DNAJC1: variants seen among roughly 807,000 people sequenced by gnomAD.
The protein encoded by DNAJC1 is DnaJ heat shock protein family (Hsp40) member C1, also known as dnaJ homolog subfamily C member 1.
DNAJC1 carries 58 observed loss-of-function variants against 76.6 expected under a neutral mutation model. That is an observed-to-expected ratio of 0.76 (90% CI 0.61 to 0.94). The LOEUF (loss-of-function observed/expected upper bound fraction) is 0.94. DNAJC1 is among the 40% of genes least tolerant of loss of function. The pLI, the probability that DNAJC1 is intolerant of heterozygous loss-of-function variation, is 0.00. For missense variants in DNAJC1, 689 were observed against 677.3 expected (o/e 1.02, Z -0.19); for synonymous variants, 258 against 267.9 (o/e 0.96, Z 0.36).
chr10:21,891,501 G>GAAAAA (rs1435674322), intron 7 of DNAJC1, among the ~76,000 whole-genome samples: 1 of 118,486 alleles, frequency 8.4e-6, no homozygotes, highest in East Asian at 2.5e-4. Flanking sequence ...AAAAAGAAAA[G>GAAAAA]AAAAAAAAAA....
intron 8 of DNAJC1, among the ~76,000 whole-genome samples, chr10:21,875,940 A>C (rs2131714885): frequency 6.6e-6 from 1 of 152,182 alleles, no homozygotes; most frequent in Non-Finnish European, 1.5e-5. Context: ...AATAAATAAA[A>C]TTTAACAAGG....
chr10:21,992,274 G>A (rs1838337668), intron 1 of DNAJC1, among the ~76,000 whole-genome samples: 2 of 152,210 alleles, frequency 1.3e-5, no homozygotes, highest in Middle Eastern at 3.2e-3. Flanking sequence ...TCGTGCCATC[G>A]CACACCAGCC....
intron 10 of DNAJC1, among the ~76,000 whole-genome samples, chr10:21,760,587 C>T (rs528957035): frequency 2.4e-4 from 37 of 152,322 alleles, no homozygotes; most frequent in East Asian, 3.9e-4. Context: ...TGGCCCAGCC[C>T]AGAGCTGTCC....
chr10:21,826,807 C>A (rs1219151245), intron 8 of DNAJC1, among the ~76,000 whole-genome samples: 2 of 152,138 alleles, frequency 1.3e-5, no homozygotes. Context: ...ACATGTTTGA[C>A]CATATATGCA....
intron 9 of DNAJC1, among the ~76,000 whole-genome samples, chr10:21,794,618 TAAG>T (rs1446282687): frequency 6.6e-6 from 1 of 152,066 alleles, no homozygotes; most frequent in African/African-American, 2.4e-5. Flanking sequence ...ATAAAACTTC[TAAG>T]AAAATGTAGG....
intron 8 of DNAJC1, among the ~76,000 whole-genome samples, chr10:21,813,707 T>C (rs1835028866): frequency 6.6e-6 from 1 of 152,142 alleles, no homozygotes; most frequent in African/African-American, 2.4e-5. Flanking sequence ...ATTCTTATTG[T>C]CCAGTATAGT....
intron 1 of DNAJC1, among the ~76,000 whole-genome samples, chr10:22,000,696 T>C (rs1046954230): frequency 3.3e-5 from 5 of 152,128 alleles, no homozygotes; most frequent in African/African-American, 1.2e-4. Flanking sequence ...CTCTGTGAGG[T>C]GATTATATCA....
rs1311280128 is a variant in DNAJC1, at chr10:21,816,998, C to CA, written c.979-10900dup. On this transcript the variant is annotated intron_variant, in intron 8 of 11. Transcript: ENST00000376980. ...TGAAACCCCGTCTCTACTAAAAATA[C>CA]AAAAAAAAAAAATTAGCCGGGCGTG... Among the ~76,000 whole-genome samples, 759 of 128,100 alleles carry CA rather than the reference C, an allele frequency of 5.9e-3. 9 individuals carry two copies. The highest frequency in any genetic ancestry group is 0.019 in the African/African-American group (680 of 34,902). 84.0% of individuals were successfully genotyped at this position (128,100 alleles called of 152,430 possible).
At chr10:21,875,948 A>C (rs1836180895) in intron 8 of DNAJC1, among the ~76,000 whole-genome samples, 2 of 152,012 alleles carry the variant, frequency 1.3e-5, no homozygotes, top group Non-Finnish European at 2.9e-5. Context: ...AAATTTAACA[A>C]GGTTGTTAGA....
chr10:21,941,268 C>CA (rs11435502), intron 1 of DNAJC1, among the ~76,000 whole-genome samples: 28,732 of 43,634 alleles, frequency 0.66, 10,274 homozygotes, highest in East Asian at 0.91. Context: ...GACACTGTCT[C>CA]AAAAAAAAAA....
chr10:21,989,448 A>G (rs1208269585), intron 1 of DNAJC1, among the ~76,000 whole-genome samples: 3 of 152,218 alleles, frequency 2.0e-5, no homozygotes, highest in African/African-American at 7.2e-5. Context: ...AGGTTAAGCT[A>G]TAAGCCTCCT....
intron 8 of DNAJC1, among the ~76,000 whole-genome samples, chr10:21,814,302 T>C (rs989601809): frequency 6.6e-6 from 1 of 152,176 alleles, no homozygotes; most frequent in Non-Finnish European, 1.5e-5. Context: ...CTAAATCTCT[T>C]CCAGGTTAGG....
At chr10:21,910,833 AG>A (rs765298125) in intron 6 of DNAJC1, among the ~76,000 whole-genome samples, 1,306 of 44,992 alleles carry the variant, frequency 0.029, 164 homozygotes, top group South Asian at 0.073. Flanking sequence ...GAAAGGAAGG[AG>A]AGGAGAGGAG....
intron 8 of DNAJC1, among the ~76,000 whole-genome samples, chr10:21,812,713 G>A (rs1296797160): frequency 6.6e-6 from 1 of 151,914 alleles, no homozygotes; most frequent in Non-Finnish European, 1.5e-5. Context: ...CACCACTCCT[G>A]GACCTTATAT....
Position 21,918,173 on chromosome 10 carries a change from C to T in DNAJC1, c.729+606G>A, listed in dbSNP as rs192814903. 3.5e-4 allele frequency among the ~76,000 whole-genome samples: 53 copies of T among 151,898 alleles called. No individual in the cohort carries two copies. In the East Asian group the frequency reaches 9.5e-3, roughly 27 times the overall value. Reference sequence around the variant, plus strand: ...CAAAGCAATAATTTAATAAAATATGCTTTGGTATACTAAATGTAAAAAAAT... The same window carrying T: ...CAAAGCAATAATTTAATAAAATATGTTTTGGTATACTAAATGTAAAAAAAT... On this transcript the variant is annotated intron_variant, in intron 6 of 11. Coordinates refer to ENST00000376980, the MANE Select transcript of DNAJC1 (RefSeq NM_022365.4).
intron 1 of DNAJC1, among the ~76,000 whole-genome samples, chr10:21,946,049 CTTTTTTTTT>C (rs71510915): frequency 2.1e-5 from 2 of 93,306 alleles, no homozygotes; most frequent in African/African-American, 8.6e-5. Flanking sequence ...TTCTTTTCCT[CTTTTTTTTT>C]TTTTTTTTTT....
intron 9 of DNAJC1, among the ~76,000 whole-genome samples, chr10:21,786,469 G>T (rs868093808): frequency 1.1e-4 from 15 of 130,516 alleles, no homozygotes; most frequent in African/African-American, 4.0e-4. Context: ...TATATAGAGA[G>T]AGAGAGAGAG....
At chr10:21,883,821 G>C (rs1227684437) in intron 7 of DNAJC1, among the ~76,000 whole-genome samples, 1 of 152,104 alleles carries the variant, frequency 6.6e-6, no homozygotes, top group East Asian at 1.9e-4. Context: ...TCAAAGTACA[G>C]TATTGTTTTT....
At position 21,920,779 on chromosome 10, in the gene DNAJC1, A is replaced by G; in HGVS notation, c.537+19T>C. On this transcript the variant is annotated intron_variant, in intron 4 of 11. Coordinates refer to ENST00000376980, the MANE Select transcript of DNAJC1 (RefSeq NM_022365.4). Reference sequence around the variant, plus strand: ...AAAATTAAGGAGGCTAGTTCATTTGATTTATTACTAACACTTACCAGTTGT... The same window carrying G: ...AAAATTAAGGAGGCTAGTTCATTTGGTTTATTACTAACACTTACCAGTTGT... 6 of 1,582,422 alleles carry G rather than the reference A, an allele frequency of 3.8e-6. No homozygotes were observed. The highest frequency in any genetic ancestry group is 1.7e-4 in the Middle Eastern group (1 of 5,928).
Sources: allele counts gnomAD v4.1 joint callset (sites outside exome capture counted in the v4.1 genomes callset), GRCh38; gene constraint gnomAD v4.1.1; transcripts MANE v1.5; gene names NCBI Gene and HGNC (gene_info 2026-07-23, HGNC 2026-07-21).